The following FBXO34 variants were observed in gnomAD, a reference collection of about 807,000 sequenced individuals.
FBXO34 encodes the protein F-box only protein 34.
A neutral mutation model predicts 24.5 loss-of-function variants in FBXO34; 12 were observed. The ratio of observed to expected loss-of-function variants is 0.49; its 90% CI spans 0.31 to 0.79. FBXO34 has a LOEUF of 0.79. Ranked by LOEUF, FBXO34 falls within the 30% of genes least tolerant of loss-of-function variation. FBXO34 has a pLI of 0.04. For missense variants in FBXO34, 823 were observed against 857.7 expected, an observed-to-expected ratio of 0.96 and a Z score of 0.51; for synonymous variants, 320 against 311.9, an observed-to-expected ratio of 1.03 and a Z score of -0.27.
chr14:55,401,570 G>C, the FBXO34 span, among the ~76,000 whole-genome samples: 1 of 151,954 alleles, frequency 6.6e-6, no homozygotes, highest in African/African-American at 2.4e-5. Context: ...ATATGATTTG[G>C]GTTGTTCCCC....
At chr14:55,298,798 C>A in intron 1 of FBXO34, 1 of 1,608,390 alleles carries the variant, frequency 6.2e-7, no homozygotes. Flanking sequence ...AACAAGCCCG[C>A]GGCCCTCCAG....
At chr14:55,277,346 G>A (rs1881377678) in intron 1 of FBXO34, among the ~76,000 whole-genome samples, 1 of 152,182 alleles carries the variant, frequency 6.6e-6, no homozygotes, top group Non-Finnish European at 1.5e-5. Flanking sequence ...TTTTGAGACA[G>A]TCTCGCTTTG....
the FBXO34 span, among the ~76,000 whole-genome samples, chr14:55,432,899 T>C: frequency 2.6e-5 from 4 of 152,230 alleles, no homozygotes; most frequent in Admixed American, 2.6e-4. Flanking sequence ...GGATGCCTCC[T>C]GAGCTAATGC....
chr14:55,369,292 C>G (rs1884756403), downstream of FBXO34: 1 of 192,072 alleles, frequency 5.2e-6, no homozygotes, highest in South Asian at 1.9e-4. Context: ...TATCTGTGGG[C>G]CCGGTGGCCC....
At chr14:55,401,837 G>A in the FBXO34 span, among the ~76,000 whole-genome samples, 6 of 152,306 alleles carry the variant, frequency 3.9e-5, no homozygotes, top group East Asian at 9.6e-4. Context: ...GCTGAGACCT[G>A]AGGGTGAGCC....
the FBXO34 span, among the ~76,000 whole-genome samples, chr14:55,439,930 CA>C: frequency 0.18 from 7,004 of 39,112 alleles, 509 homozygotes; most frequent in Middle Eastern, 0.29. Flanking sequence ...GACTCTGTCT[CA>C]AAAAAAAAAA....
At chr14:55,426,434 T>C in the FBXO34 span, among the ~76,000 whole-genome samples, 1 of 152,150 alleles carries the variant, frequency 6.6e-6, no homozygotes, top group Non-Finnish European at 1.5e-5. Flanking sequence ...GGAAACTGAA[T>C]GACCTTAGGG....
chr14:55,336,979 A>T (rs1461093997), intron 1 of FBXO34, among the ~76,000 whole-genome samples: 7 of 136,942 alleles, frequency 5.1e-5, no homozygotes, highest in Non-Finnish European at 9.5e-5. Context: ...TTTTTATTTT[A>T]TTTTTTTTTT....
the FBXO34 span, among the ~76,000 whole-genome samples, chr14:55,380,881 T>C: frequency 7.8e-5 from 8 of 103,224 alleles, no homozygotes; most frequent in Non-Finnish European, 1.4e-4. Flanking sequence ...ATATATTTTT[T>C]TTTTTTTTTT....
At chr14:55,314,292 A>G (rs1415206611) in intron 1 of FBXO34, among the ~76,000 whole-genome samples, 4 of 152,220 alleles carry the variant, frequency 2.6e-5, no homozygotes, top group African/African-American at 9.6e-5. Context: ...GGCACATTCT[A>G]GAGTTTATTG....
the FBXO34 span, among the ~76,000 whole-genome samples, chr14:55,442,848 G>A: frequency 6.6e-6 from 1 of 152,056 alleles, no homozygotes; most frequent in Non-Finnish European, 1.5e-5. Flanking sequence ...TCTGACTGTT[G>A]TCCTCACAAG....
chr14:55,294,648 T>G (rs1017219174), intron 1 of FBXO34, among the ~76,000 whole-genome samples: 1 of 152,266 alleles, frequency 6.6e-6, no homozygotes, highest in Non-Finnish European at 1.5e-5. Context: ...GAAAGTATTA[T>G]TTCCATTATT....
chr14:55,430,198 C>A, the FBXO34 span, among the ~76,000 whole-genome samples: 2 of 152,028 alleles, frequency 1.3e-5, no homozygotes. Flanking sequence ...GTGAATTCCA[C>A]CCCCCTCATG....
At chr14:55,298,998 T>A in intron 1 of FBXO34, 1 of 1,608,528 alleles carries the variant, frequency 6.2e-7, no homozygotes, top group East Asian at 2.2e-5. Context: ...AGTTGATGAG[T>A]TAATGCAGGA....
At chr14:55,391,641 A>C in the FBXO34 span, among the ~76,000 whole-genome samples, 1 of 152,126 alleles carries the variant, frequency 6.6e-6, no homozygotes. Context: ...AATCATACAA[A>C]ATCAAAAATT....
chr14:55,383,056 A>G, the FBXO34 span, among the ~76,000 whole-genome samples: 1 of 152,172 alleles, frequency 6.6e-6, no homozygotes, highest in Non-Finnish European at 1.5e-5. Flanking sequence ...ATAGCATCCC[A>G]CAAAAAGAGC....
chr14:55,411,813 G>A, the FBXO34 span: 1 of 1,593,802 alleles, frequency 6.3e-7, no homozygotes, highest in South Asian at 1.1e-5. Context: ...TTCCCACTGG[G>A]AGACGCCATG....
At chr14:55,434,153 T>A in the FBXO34 span, among the ~76,000 whole-genome samples, 1 of 152,100 alleles carries the variant, frequency 6.6e-6, no homozygotes, top group African/African-American at 2.4e-5. Context: ...GGGAAAAAAA[T>A]AAGTATGTTA....
chr14:55,318,542 T>G (rs2140016919), intron 1 of FBXO34, among the ~76,000 whole-genome samples: 1 of 150,908 alleles, frequency 6.6e-6, no homozygotes, highest in South Asian at 2.1e-4. Context: ...TTTGTTTTTA[T>G]TTTTAGAGAC....
Sources: gnomAD v4.1 joint callset for allele counts (sites outside exome capture counted in the v4.1 genomes callset) on GRCh38, gnomAD v4.1.1 for gene constraint, MANE v1.5 for transcripts, NCBI Gene and HGNC (gene_info 2026-07-23, HGNC 2026-07-21) for gene names.